Variants in BARD1 observed in about 807,000 individuals in gnomAD.
BARD1 encodes BRCA1 associated RING domain 1.
BARD1 carries 73 observed loss-of-function variants against 77.0 expected under a neutral mutation model. That is an observed-to-expected ratio of 0.95 (90% confidence interval 0.79 to 1.15). The LOEUF is 1.15. BARD1 is among the 50% of genes most tolerant of loss of function. The pLI, the probability that BARD1 is intolerant of heterozygous loss-of-function variation, is 0.00. For synonymous variants in BARD1, 384 were observed against 338.0 expected (o/e 1.14, Z -1.49); for missense variants, 993 against 938.8 (o/e 1.06, Z -0.75).
chr2:214,776,426 A>T (rs1694740636), intron 4 of BARD1, among the ~76,000 whole-genome samples: 1 of 152,230 alleles, frequency 6.6e-6, no homozygotes, highest in African/African-American at 2.4e-5. Flanking sequence ...AAGCTTTCTC[A>T]TAAACTCTCC....
At chr2:214,796,689 C>T (rs1695768214) in intron 2 of BARD1, 2 of 213,876 alleles carry the variant, frequency 9.4e-6, no homozygotes, top group South Asian at 1.4e-4. Flanking sequence ...GTTATGGCAG[C>T]CTTAGGAAAC....
intron 5 of BARD1, among the ~76,000 whole-genome samples, chr2:214,767,898 CT>C (rs1392376071): frequency 6.6e-6 from 1 of 152,116 alleles, no homozygotes; most frequent in East Asian, 1.9e-4. Context: ...GGGTCAAGCA[CT>C]TTTCTGTTTT....
chr2:214,758,609 A>G (rs535530917), intron 6 of BARD1, among the ~76,000 whole-genome samples: 1 of 152,312 alleles, frequency 6.6e-6, no homozygotes, highest in Admixed American at 6.5e-5. Context: ...CCCATGTGGC[A>G]CTATCTAAAG....
chr2:214,769,140 G>A lies in BARD1; in HGVS notation c.1395+92C>T, dbSNP rs1486839506. 1.2e-4 allele frequency: 126 copies of A among 1,027,376 alleles called. 1 individual carries two copies. Among genetic ancestry groups the A allele is most frequent in the Non-Finnish European group, 3.2e-5 (21 of 664,224 alleles). The allele number at this position is 1,027,376 out of a possible 1,614,324, so 63.6% of individuals were successfully genotyped here. ...GTTCTTCAGACTAAAAAGAGTATAT[G>A]TGGCAGAGGATGATATATAGACAAC... On this transcript the variant is annotated intron_variant, in intron 5 of 10. Coordinates refer to ENST00000260947, the MANE Select transcript of BARD1 (RefSeq NM_000465.4).
chr2:214,790,243 T>C (rs1695454328), intron 3 of BARD1, among the ~76,000 whole-genome samples: 1 of 152,250 alleles, frequency 6.6e-6, no homozygotes, highest in Non-Finnish European at 1.5e-5. Context: ...AATGTTATAT[T>C]GTTATAAATT....
intron 6 of BARD1, 129 bp downstream of exon 6, chr2:214,767,353 C>T (rs1694250787): frequency 2.3e-6 from 2 of 877,390 alleles, no homozygotes; most frequent in East Asian, 5.3e-5. Flanking sequence ...ATGTGATGAT[C>T]ACATCTAATT....
chr2:214,729,133 G>A, intron 10 of BARD1, 125 bp from the exon 11 acceptor site: 1 of 1,164,480 alleles, frequency 8.6e-7, no homozygotes, highest in South Asian at 1.5e-5. Flanking sequence ...TGGAGGAGAA[G>A]CATTTCAGAT....
intron 3 of BARD1, among the ~76,000 whole-genome samples, chr2:214,784,651 G>C (rs1238803846): frequency 1.3e-5 from 2 of 152,128 alleles, no homozygotes; most frequent in African/African-American, 4.8e-5. Flanking sequence ...TGACAGACTG[G>C]ATAAAGAAAA....
intron 7 of BARD1, 126 bp from the exon 8 acceptor site, chr2:214,745,980 T>C (rs1693097651): frequency 1.0e-5 from 12 of 1,170,264 alleles, no homozygotes; most frequent in South Asian, 2.6e-5. Flanking sequence ...TTTTCAATTA[T>C]TTCCATTGAA....
intron 6 of BARD1, among the ~76,000 whole-genome samples, chr2:214,754,748 T>C (rs1047833556): frequency 2.6e-5 from 4 of 152,162 alleles, no homozygotes; most frequent in Non-Finnish European, 5.9e-5. Context: ...GGATGGCTTC[T>C]GCTCACACAC....
intron 4 of BARD1, among the ~76,000 whole-genome samples, chr2:214,778,354 T>A (rs921864021): frequency 6.6e-6 from 1 of 152,102 alleles, no homozygotes; most frequent in Non-Finnish European, 1.5e-5. Flanking sequence ...TTGGTGATTT[T>A]AAAAACAATA....
intron 9 of BARD1, among the ~76,000 whole-genome samples, chr2:214,742,105 C>T (rs1692863918): frequency 6.6e-6 from 1 of 152,168 alleles, no homozygotes; most frequent in Non-Finnish European, 1.5e-5. Flanking sequence ...AATGGACAGA[C>T]TCAAACATGA....
At chr2:214,749,781 C>A (rs1256965440) in intron 7 of BARD1, among the ~76,000 whole-genome samples, 1 of 109,676 alleles carries the variant, frequency 9.1e-6, no homozygotes, top group Non-Finnish European at 1.9e-5. Flanking sequence ...AAAAAAACAA[C>A]CTTTTTTTTT....
chr2:214,797,003 G>T, intron 2 of BARD1, 58 bp downstream of exon 2: 1 of 1,280,362 alleles, frequency 7.8e-7, no homozygotes, highest in Non-Finnish European at 1.1e-6. Context: ...AAGATTACAT[G>T]ATTGTTATCT....
intron 4 of BARD1, among the ~76,000 whole-genome samples, chr2:214,777,468 C>T (rs899910969): frequency 1.3e-4 from 20 of 152,248 alleles, no homozygotes; most frequent in Middle Eastern, 3.4e-3. Context: ...GGATGCTCAG[C>T]GCAAACATGT....
intron 9 of BARD1, among the ~76,000 whole-genome samples, chr2:214,741,440 C>T (rs1381230538): frequency 1.3e-5 from 2 of 152,026 alleles, no homozygotes; most frequent in African/African-American, 4.8e-5. Context: ...TTATCTTGGC[C>T]TAGTTTGCAT....
intron 2 of BARD1, among the ~76,000 whole-genome samples, chr2:214,796,509 C>G (rs1695760349): frequency 6.6e-6 from 1 of 152,142 alleles, no homozygotes; most frequent in African/African-American, 2.4e-5. Context: ...GATACATCTC[C>G]AAGTCAAGGA....
chr2:214,730,218 C>A, intron 10 of BARD1, 193 bp downstream of exon 10: 2 of 598,406 alleles, frequency 3.3e-6, no homozygotes, highest in Admixed American at 5.7e-5. Flanking sequence ...AATCCATTAA[C>A]AGTATGAAAT....
intron 1 of BARD1, among the ~76,000 whole-genome samples, chr2:214,808,494 G>A (rs201450272): frequency 1.3e-5 from 2 of 152,076 alleles, no homozygotes; most frequent in East Asian, 1.9e-4. Flanking sequence ...AATCAAAGGG[G>A]AAAAAAGTCC....
Sources: allele counts gnomAD v4.1 joint callset (sites outside exome capture counted in the v4.1 genomes callset), GRCh38; gene constraint gnomAD v4.1.1; transcripts MANE v1.5; gene names NCBI Gene and HGNC (gene_info 2026-07-23, HGNC 2026-07-21).